SLC44A3: variants seen among roughly 807,000 people sequenced by gnomAD.
The protein encoded by SLC44A3 is choline transporter-like protein 3.
SLC44A3 carries 74 observed loss-of-function variants against 75.4 expected under a neutral mutation model. The ratio of observed to expected loss-of-function variants is 0.98; its 90% CI spans 0.81 to 1.19. The LOEUF (loss-of-function observed/expected upper bound fraction) is 1.19. Ranked by LOEUF, SLC44A3 falls within the 50% of genes most tolerant of loss-of-function variation. The pLI, the probability that SLC44A3 is intolerant of heterozygous loss-of-function variation, is 0.00. For synonymous variants in SLC44A3, 310 were observed against 296.9 expected (o/e 1.04, Z -0.45); for missense variants, 700 against 778.6 (o/e 0.90, Z 1.20).
Position 94,891,120 on chromosome 1 carries a change from T to C in SLC44A3, c.1483-10T>C. 1.9e-6 allele frequency: 3 copies of C among 1,589,676 alleles called. 1 individual carries two copies. In the South Asian group the frequency reaches 3.4e-5, roughly 18 times the overall value. ...AGAATTATCTTTTAAACAATTCTCT[T>C]CTGTTTCAGAATGCATATACTACAA... On this transcript the variant is annotated splice_polypyrimidine_tract_variant and intron_variant, in intron 12 of 14. Transcript: ENST00000271227.
chr1:94,848,625 T>C (rs988838809), intron 9 of SLC44A3, among the ~76,000 whole-genome samples: 11 of 152,126 alleles, frequency 7.2e-5, no homozygotes, highest in Admixed American at 5.2e-4. Flanking sequence ...GGTTTTAATT[T>C]AATTCAGAAG....
intron 12 of SLC44A3, 123 bp downstream of exon 12, chr1:94,867,540 C>T: frequency 1.6e-6 from 1 of 611,844 alleles, no homozygotes; most frequent in Non-Finnish European, 2.6e-6. Context: ...TTTAGGCTTT[C>T]AGACCAGTCT....
At chr1:94,888,287 A>T (rs1314890974) in intron 12 of SLC44A3, among the ~76,000 whole-genome samples, 3 of 152,226 alleles carry the variant, frequency 2.0e-5, no homozygotes, top group African/African-American at 7.2e-5. Context: ...GTTAGAATTT[A>T]AAAAATTAAA....
chr1:94,888,595 G>A (rs777464160), intron 12 of SLC44A3: 28 of 885,030 alleles, frequency 3.2e-5, no homozygotes, highest in East Asian at 1.2e-4. Context: ...CAAATTTCAC[G>A]CACATTCTAT....
At chr1:94,865,563 G>A (rs1667075156) in intron 11 of SLC44A3, among the ~76,000 whole-genome samples, 1 of 152,248 alleles carries the variant, frequency 6.6e-6, no homozygotes, top group Admixed American at 6.5e-5. Context: ...TTATTTCCAT[G>A]CACATTTGGT....
chr1:94,892,189 C>T, intron 13 of SLC44A3, 92 bp from the exon 14 acceptor site: 1 of 1,169,150 alleles, frequency 8.6e-7, no homozygotes, highest in South Asian at 1.4e-5. Context: ...ACGTTGCACA[C>T]AGGAACGTAT....
Position 94,829,103 on chromosome 1 carries a change from GTATACTAAAAA to G in SLC44A3, c.509+531_509+541del, listed in dbSNP as rs1444159172. ...ATACAAAAATATATACTATTTTTTT[GTATACTAAAAA>G]TATACTAAAAATACAAAAATTAGCC... On this transcript the variant is annotated intron_variant, in intron 5 of 14. Transcript: ENST00000271227. Among the ~76,000 whole-genome samples the G allele has an allele frequency of 1.7e-4, 26 of 151,658 alleles. 1 individual carries two copies. The highest frequency in any genetic ancestry group is 5.9e-4 in the Admixed American group (9 of 15,220).
chr1:94,857,565 A>G (rs1004922403), intron 10 of SLC44A3, 65 bp downstream of exon 10: 53 of 1,437,372 alleles, frequency 3.7e-5, no homozygotes, highest in Non-Finnish European at 4.7e-5. Flanking sequence ...TCATGTTAAT[A>G]TCTCAAAAGA....
intron 9 of SLC44A3, among the ~76,000 whole-genome samples, chr1:94,845,776 G>A (rs859109): frequency 0.22 from 33,966 of 152,110 alleles, 4,017 homozygotes; most frequent in African/African-American, 0.29. Flanking sequence ...CTCCAGGTAT[G>A]AGTTTTATCC....
chr1:94,883,882 G>A (rs765951575), intron 12 of SLC44A3, among the ~76,000 whole-genome samples: 1 of 152,014 alleles, frequency 6.6e-6, no homozygotes, highest in Non-Finnish European at 1.5e-5. Context: ...GTTCATTATC[G>A]TAGCGCATGC....
intron 9 of SLC44A3, among the ~76,000 whole-genome samples, chr1:94,847,498 C>T (rs148179703): frequency 6.6e-6 from 1 of 152,282 alleles, no homozygotes; most frequent in African/African-American, 2.4e-5. Flanking sequence ...TCATTTTGGG[C>T]AGGCACGCAC....
chr1:94,888,974 G>C (rs1297236010), intron 12 of SLC44A3, among the ~76,000 whole-genome samples: 1 of 151,854 alleles, frequency 6.6e-6, no homozygotes, highest in Non-Finnish European at 1.5e-5. Flanking sequence ...TGGTCAGGCT[G>C]GTCTTCAACT....
chr1:94,860,627 A>G (rs1362527737), intron 10 of SLC44A3, among the ~76,000 whole-genome samples: 1 of 152,248 alleles, frequency 6.6e-6, no homozygotes, highest in Non-Finnish European at 1.5e-5. Flanking sequence ...GGAAGGCTGT[A>G]GAAGTCTAGT....
At chr1:94,858,063 C>T (rs1012703255) in intron 10 of SLC44A3, among the ~76,000 whole-genome samples, 8 of 151,970 alleles carry the variant, frequency 5.3e-5, no homozygotes, top group South Asian at 2.1e-4. Flanking sequence ...ATGCCTGCCT[C>T]GGCCTCCCAA....
intron 2 of SLC44A3, among the ~76,000 whole-genome samples, chr1:94,821,448 A>G (rs540335762): frequency 6.6e-6 from 1 of 152,354 alleles, no homozygotes; most frequent in African/African-American, 2.4e-5. Context: ...GGGTAAGCCT[A>G]GAAATAAACT....
At chr1:94,874,141 G>T (rs751307027) in intron 12 of SLC44A3, among the ~76,000 whole-genome samples, 12 of 152,222 alleles carry the variant, frequency 7.9e-5, no homozygotes, top group Non-Finnish European at 1.6e-4. Flanking sequence ...ACACCCAGCT[G>T]TTGTGTGGCA....
chr1:94,893,715 T>C (rs1013623769), intron 14 of SLC44A3, among the ~76,000 whole-genome samples: 2 of 152,254 alleles, frequency 1.3e-5, no homozygotes, highest in Non-Finnish European at 1.5e-5. Flanking sequence ...TATTGACTTA[T>C]TTGTATGTAC....
Position 94,894,994 on chromosome 1 carries a change from C to T in SLC44A3, c.*72C>T. ...CCATTTACAGAATAGAAGATGAGAC[C>T]ACTAGAGAAAAGTTAGTGAATTTTT... On this transcript the variant is annotated 3_prime_UTR_variant, in exon 15 of 15. Transcript: ENST00000271227. The T allele has an allele frequency of 1.7e-6, 2 of 1,196,444 alleles. No individual in the cohort carries two copies. The highest frequency in any genetic ancestry group is 2.9e-5 in the South Asian group (2 of 68,456). 74.1% of individuals were successfully genotyped at this position (1,196,444 alleles called of 1,614,324 possible).
rs375504087 is a variant in SLC44A3, at chr1:94,845,287, C to T, written c.895C>T (p.Leu299Phe). The change falls in exon 9 of 15, where the codon CTC becomes TTC. Residue 299 changes from leucine (L) to phenylalanine (F), a missense_variant. Physicochemically the swap from Leu to Phe is conservative, Grantham distance 22. Transcript: ENST00000271227. Reference sequence around the variant, plus strand: ...ATCCCTTTCTCACCAGGCAGTGCTGCTCGTCTTGATTTTTGTTCTCAGAAA... The same window carrying T: ...ATCCCTTTCTCACCAGGCAGTGCTGTTCGTCTTGATTTTTGTTCTCAGAAA... Reference protein sequence around the residue: ...IVSTGITAVLLVLIFVLRKRI... With the variant: ...IVSTGITAVLFVLIFVLRKRI... 1 of 1,608,978 alleles carries T rather than the reference C, an allele frequency of 6.2e-7. No homozygotes were observed. Among genetic ancestry groups the T allele is most frequent in the Non-Finnish European group, 8.5e-7 (1 of 1,177,484 alleles).
Sources: allele counts gnomAD v4.1 joint callset (sites outside exome capture counted in the v4.1 genomes callset), GRCh38; gene constraint gnomAD v4.1.1; transcripts MANE v1.5; gene names NCBI Gene and HGNC (gene_info 2026-07-23, HGNC 2026-07-21).